The following GPR50 variants were observed in gnomAD, a reference collection of about 807,000 sequenced individuals.
GPR50 encodes the protein G protein-coupled receptor 50, also known as melatonin-related receptor.
In GPR50, 1 loss-of-function variant was observed where a neutral mutation model predicts 2.6. The observed-to-expected ratio is 0.38, with a 90% confidence interval of 0.13 to 1.79. The LOEUF is 1.79. GPR50 is among the 40% of genes most tolerant of loss of function. The probability of loss-of-function intolerance (pLI) is 0.33; values close to 1 mark genes in which losing one functional copy is unlikely to be tolerated. For synonymous variants in GPR50, 233 were observed against 202.3 expected, an observed-to-expected ratio of 1.15 and a Z score of -1.29; for missense variants, 535 against 522.1, an observed-to-expected ratio of 1.02 and a Z score of -0.24.
At position 151,180,005 on chromosome X, in the gene GPR50, G is replaced by C. The variant is rs1309528719; in HGVS notation, c.422G>C (p.Ser141Thr). ...CHSLQYERIF[S>T]VRNTCIYLVI... ...AGCCTCCAGTACGAACGGATCTTCA[G>C]TGTGCGCAATACCTGCATCTACCTG... The change falls in exon 2 of 2, where the codon AGT (serine) becomes ACT (threonine). Residue 141 changes from serine (S) to threonine (T), a missense_variant. By Grantham distance (58) the Ser-to-Thr change is moderately conservative. Transcript: ENST00000218316. The C allele has an allele frequency of 8.3e-7, 1 of 1,211,031 alleles. No homozygotes were observed. The highest frequency in any genetic ancestry group is 3.0e-5 in the East Asian group (1 of 33,835).
chrX:151,181,685 A>G (rs191385774), downstream of GPR50, among the ~76,000 whole-genome samples: 17 of 111,789 alleles, frequency 1.5e-4, no homozygotes, highest in Admixed American at 1.5e-3. Context: ...CTGTTGTTCC[A>G]AACCTCCCTT....
chrX:151,179,015 C>T (rs2048696098), intron 1 of GPR50, among the ~76,000 whole-genome samples: 1 of 111,396 alleles, frequency 9.0e-6, no homozygotes, highest in African/African-American at 3.3e-5. Context: ...GAAACAGGCA[C>T]TTCTGCTAAT....
At position 151,181,026 on chromosome X, in the gene GPR50, T is replaced by C. The variant is rs754449670; in HGVS notation, c.1443T>C (p.His481=). Residue 481 remains histidine (H), a synonymous_variant, in exon 2 of 2, where the codon CAT becomes CAC. Coordinates refer to ENST00000218316, the MANE Select transcript of GPR50 (RefSeq NM_004224.3). Reference sequence around the variant, plus strand: ...ACCCCAAGCCCATCACTGGCCACCATGTCTCTGCTGGCAGCCACTCCAAGT... The same window carrying C: ...ACCCCAAGCCCATCACTGGCCACCACGTCTCTGCTGGCAGCCACTCCAAGT... ...SSNPKPITGH[H]VSAGSHSKSA... 8.3e-7 allele frequency: 1 copy of C among 1,210,939 alleles called. No homozygotes were observed. Among genetic ancestry groups the C allele is most frequent in the Admixed American group, 2.2e-5 (1 of 45,986 alleles).
chrX:151,179,984 T>C lies in GPR50; in HGVS notation c.401T>C (p.Leu134Pro). The C allele has an allele frequency of 8.3e-7, 1 of 1,210,777 alleles. No individual in the cohort carries two copies. The highest frequency in any genetic ancestry group is 1.1e-6 in the Non-Finnish European group (1 of 894,811). ...INRYCYICHS[L>P]QYERIFSVRN... ...CGTTACTGCTACATCTGCCACAGCC[T>C]CCAGTACGAACGGATCTTCAGTGTG... The change falls in exon 2 of 2, where the codon CTC becomes CCC. Residue 134 changes from leucine (L) to proline (P), a missense_variant. By Grantham distance (98) the Leu-to-Pro change is moderately conservative. Transcript: ENST00000218316.
Position 151,176,599 on chromosome X carries a change from C to G in GPR50, c.-123C>G. Reference sequence around the variant, plus strand: ...GGGGCGGGATGCTGTCATTTGCTCTCTGACTCTCAGAGAGGGAGGCACGCT... The same window carrying G: ...GGGGCGGGATGCTGTCATTTGCTCTGTGACTCTCAGAGAGGGAGGCACGCT... On this transcript the variant is annotated 5_prime_UTR_variant, in exon 1 of 2. Transcript: ENST00000218316. The G allele has an allele frequency of 2.1e-6, 1 of 467,635 alleles. No homozygotes were observed. Among genetic ancestry groups the G allele is most frequent in the Admixed American group, 3.6e-5 (1 of 28,136 alleles). 38.5% of individuals were successfully genotyped at this position (467,635 alleles called of 1,213,427 possible).
Position 151,181,389 on chromosome X carries a change from T to C in GPR50, c.1806T>C (p.Asp602=). 1 of 1,190,538 alleles carries C rather than the reference T, an allele frequency of 8.4e-7. No homozygotes were observed. The highest frequency in any genetic ancestry group is 2.3e-4 in the Middle Eastern group (1 of 4,275). The change falls in exon 2 of 2, where the codon GAT becomes GAC. Residue 602 remains aspartate, a synonymous_variant. Coordinates refer to ENST00000218316, the MANE Select transcript of GPR50 (RefSeq NM_004224.3). The part of the protein sequence containing the change: ...VVTTSTNDYH[D]VVVIDVEDDP... ...CTACCAGTACCAATGATTACCATGA[T>C]GTCGTGGTTATTGATGTTGAAGATG... is the stretch of plus-strand genomic sequence containing the variant.
intron 1 of GPR50, among the ~76,000 whole-genome samples, chrX:151,178,208 G>A (rs1253775241): frequency 8.9e-6 from 1 of 112,071 alleles, no homozygotes; most frequent in Non-Finnish European, 1.9e-5. Context: ...CGGGGTCTGG[G>A]GGATTACTTT....
chrX:151,180,970 G>T lies in GPR50; in HGVS notation c.1387G>T (p.Asp463Tyr). Residue 463 changes from aspartate (D) to tyrosine (Y), a missense_variant, in exon 2 of 2, where the codon GAC (aspartate) becomes TAC (tyrosine). Transcript: ENST00000218316. ...GGGTGACTCTGTCCATTTCAAGCCTGACTCTGTTCATTTCAAGCCTGCTTC... is the reference window on the plus strand; with the variant it reads ...GGGTGACTCTGTCCATTTCAAGCCTTACTCTGTTCATTTCAAGCCTGCTTC... ...FKGDSVHFKP[D>Y]SVHFKPASSN... The T allele has an allele frequency of 1.7e-6, 2 of 1,210,872 alleles. No individual in the cohort carries two copies. The highest frequency in any genetic ancestry group is 2.2e-6 in the Non-Finnish European group (2 of 895,198).
chrX:151,179,458 A>C (rs2048699127), intron 1 of GPR50, among the ~76,000 whole-genome samples: 1 of 107,802 alleles, frequency 9.3e-6, no homozygotes, highest in African/African-American at 3.4e-5. Flanking sequence ...CCTCTAGCTC[A>C]CCTCTACTCC....
intron 1 of GPR50, among the ~76,000 whole-genome samples, chrX:151,179,215 A>G (rs35089505): frequency 0.28 from 30,898 of 108,660 alleles, 3,358 homozygotes; most frequent in African/African-American, 0.33. Flanking sequence ...TTACTGCTTG[A>G]TCCCATCGGA....
rs764372963 is a variant in GPR50 at position 151,180,810 on chromosome X, C to T, written c.1227C>T (p.Ser409=). 1.8e-5 allele frequency: 22 copies of T among 1,210,993 alleles called. No individual in the cohort carries two copies. The highest frequency in any genetic ancestry group is 2.5e-5 in the Non-Finnish European group (22 of 895,137). The change falls in exon 2 of 2, where the codon AGC becomes AGT. Residue 409 remains serine, a synonymous_variant. Transcript: ENST00000218316. ...CTACCCACCACAAGTCTGTCTTTAG[C>T]CACTCCAAGGCTGCCTCTGGTCACC... The part of the protein sequence containing the change: ...SASTHHKSVF[S]HSKAASGHLK...
Position 151,181,241 on chromosome X carries a change from C to T in GPR50, c.1658C>T (p.Pro553Leu). The change falls in exon 2 of 2, where the codon CCT becomes CTT. Residue 553 changes from proline to leucine, a missense_variant. Coordinates refer to ENST00000218316, the MANE Select transcript of GPR50 (RefSeq NM_004224.3). ...CCCGAGATCCCTGCCATTGCCCACC[C>T]TGTGTCTGACGACAGTGACCTCCCT... is the stretch of plus-strand genomic sequence containing the variant. ...HCPEIPAIAH[P>L]VSDDSDLPES... 1.7e-6 allele frequency: 2 copies of T among 1,210,642 alleles called. No homozygotes were observed. The highest frequency in any genetic ancestry group is 3.5e-5 in the South Asian group (2 of 56,799).
At chrX:151,178,385 G>C (rs892397348) in intron 1 of GPR50, among the ~76,000 whole-genome samples, 11 of 112,965 alleles carry the variant, frequency 9.7e-5, no homozygotes, top group African/African-American at 3.5e-4. Context: ...CCGCGGTGCG[G>C]TCCCGAGGTG....
intron 1 of GPR50, among the ~76,000 whole-genome samples, chrX:151,178,388 C>A (rs995382114): frequency 1.2e-4 from 13 of 112,900 alleles, no homozygotes; most frequent in African/African-American, 3.9e-4. Context: ...CGGTGCGGTC[C>A]CGAGGTGCAA....
chrX:151,180,615 C>T lies in GPR50; in HGVS notation c.1032C>T (p.Asp344=). 1 of 1,209,307 alleles carries T rather than the reference C, an allele frequency of 8.3e-7. No individual in the cohort carries two copies. The highest frequency in any genetic ancestry group is 1.1e-6 in the Non-Finnish European group (1 of 893,413). ...TLARARAHAR[D]QAREQDRAHA... is the part of the protein sequence containing the mutation. ...CCCGCGCCCGTGCCCATGCTCGCGACCAAGCTCGTGAACAAGACCGTGCCC... is the reference window on the plus strand; with the variant it reads ...CCCGCGCCCGTGCCCATGCTCGCGATCAAGCTCGTGAACAAGACCGTGCCC... The change falls in exon 2 of 2, where the codon GAC becomes GAT. Residue 344 remains aspartate, a synonymous_variant. Coordinates refer to ENST00000218316, the MANE Select transcript of GPR50 (RefSeq NM_004224.3).
chrX:151,179,054 A>AT (rs1341390019), intron 1 of GPR50, among the ~76,000 whole-genome samples: 2 of 44,577 alleles, frequency 4.5e-5, no homozygotes, highest in Non-Finnish European at 8.8e-5. Context: ...CCTCCCCCCC[A>AT]CCCCCGCCCA....
intron 1 of GPR50, among the ~76,000 whole-genome samples, chrX:151,178,971 G>A (rs2048695861): frequency 8.9e-6 from 1 of 112,344 alleles, no homozygotes; most frequent in East Asian, 2.8e-4. Flanking sequence ...CCAGTGCGCG[G>A]CTCTGCGCGT....
chrX:151,179,996 G>A lies in GPR50; in HGVS notation c.413G>A (p.Arg138Gln), dbSNP rs764196997. 9 of 1,208,534 alleles carry A rather than the reference G, an allele frequency of 7.4e-6. No individual in the cohort carries two copies. In the East Asian group the frequency reaches 8.9e-5, roughly 12 times the overall value. Residue 138 changes from arginine (R) to glutamine (Q), a missense_variant, in exon 2 of 2, where the codon CGG becomes CAG. Transcript: ENST00000218316. ...CYICHSLQYE[R>Q]IFSVRNTCIY... is the part of the protein sequence containing the mutation. ...ATCTGCCACAGCCTCCAGTACGAAC[G>A]GATCTTCAGTGTGCGCAATACCTGC... is the stretch of plus-strand genomic sequence containing the variant.
At position 151,181,240 on chromosome X, in the gene GPR50, C is replaced by A; in HGVS notation, c.1657C>A (p.Pro553Thr). 1 of 1,210,651 alleles carries A rather than the reference C, an allele frequency of 8.3e-7. No individual in the cohort carries two copies. Residue 553 changes from proline (P) to threonine (T), a missense_variant, in exon 2 of 2, where the codon CCT becomes ACT. Pro to Thr is a conservative substitution (Grantham distance 38, BLOSUM62 -1). Transcript: ENST00000218316. Reference sequence around the variant, plus strand: ...CCCCGAGATCCCTGCCATTGCCCACCCTGTGTCTGACGACAGTGACCTCCC... The same window carrying A: ...CCCCGAGATCCCTGCCATTGCCCACACTGTGTCTGACGACAGTGACCTCCC... ...HCPEIPAIAH[P>T]VSDDSDLPES...
Sources: gnomAD v4.1 joint callset for allele counts (sites outside exome capture counted in the v4.1 genomes callset) on GRCh38, gnomAD v4.1.1 for gene constraint, MANE v1.5 for transcripts, NCBI Gene and HGNC (gene_info 2026-07-23, HGNC 2026-07-21) for gene names.